The following ASB18 variants were observed in gnomAD, a reference collection of about 807,000 sequenced individuals.
ASB18 encodes the protein ankyrin repeat and SOCS box protein 18.
ASB18 carries 33 observed loss-of-function variants against 33.4 expected under a neutral mutation model. That is an observed-to-expected ratio of 0.99 (90% CI 0.75 to 1.32). ASB18 has a LOEUF of 1.32. Among genes scored for constraint, ASB18 ranks in the 40% most tolerant of loss-of-function variants. The pLI, the probability that ASB18 is intolerant of heterozygous loss-of-function variation, is 0.00. For synonymous variants in ASB18, 295 were observed against 307.6 expected (o/e 0.96, Z 0.43); for missense variants, 694 against 655.5 (o/e 1.06, Z -0.64).
Position 236,238,105 on chromosome 2 carries a change from C to T in ASB18, c.329-149G>A, listed in dbSNP as rs951340556. 9.1e-6 allele frequency: 5 copies of T among 550,012 alleles called. No individual in the cohort carries two copies. Among genetic ancestry groups the T allele is most frequent in the Admixed American group, 8.7e-5 (2 of 23,020 alleles). 34.1% of individuals were successfully genotyped at this position (550,012 alleles called of 1,614,324 possible). On this transcript the variant is annotated intron_variant, in intron 2 of 5. Coordinates refer to ENST00000409749, the MANE Select transcript of ASB18 (RefSeq NM_212556.4). This position sits in a 1 kb window ranked among gnomAD's most constrained non-coding sequence, Gnocchi z 5.2. ...AGGGAGAAGAGGATAGAATCAGAGACGCACACAGAGACAGAGAGCAGAGAG... is the reference window on the plus strand; with the variant it reads ...AGGGAGAAGAGGATAGAATCAGAGATGCACACAGAGACAGAGAGCAGAGAG...
At position 236,208,564 on chromosome 2, in the gene ASB18, CCCCACCCTGGGAAGAGG is replaced by C. The variant is rs2106266293; in HGVS notation, c.1101+5781_1101+5797del. Among the ~76,000 whole-genome samples, 1 of 152,244 alleles carries C rather than the reference CCCCACCCTGGGAAGAGG, an allele frequency of 6.6e-6. No individual in the cohort carries two copies. The highest frequency in any genetic ancestry group is 1.9e-4 in the East Asian group (1 of 5,168). On this transcript the variant is annotated intron_variant, in intron 4 of 5. Transcript: ENST00000409749. The surrounding 1 kb of genome is among the most constrained non-coding windows in gnomAD (Gnocchi z 7.7). ...AGGGACTGCAGGTAACCCGGACATG[CCCCACCCTGGGAAGAGG>C]TGCCCTCCATTAGAGCAAAAGCACC...
At position 236,237,621 on chromosome 2, in the gene ASB18, C is replaced by G. The variant is rs1337302275; in HGVS notation, c.596+68G>C. 4 of 1,142,704 alleles carry G rather than the reference C, an allele frequency of 3.5e-6. No individual in the cohort carries two copies. The African/African-American group carries it at 1.0e-4, about 29-fold the overall frequency. 70.8% of individuals were successfully genotyped at this position (1,142,704 alleles called of 1,614,324 possible). On this transcript the variant is annotated intron_variant, in intron 3 of 5. Transcript: ENST00000409749. The surrounding 1 kb of genome is among the most constrained non-coding windows in gnomAD (Gnocchi z 6.2). ...GAGGCGGAGGCGGGGTCGGCGGTCTCGTGGGGGGAGGCGGGCGTCTGGTCT... is the reference window on the plus strand; with the variant it reads ...GAGGCGGAGGCGGGGTCGGCGGTCTGGTGGGGGGAGGCGGGCGTCTGGTCT...
rs1351323163 is a variant in ASB18 at position 236,252,013 on chromosome 2, GT to G, written c.206-10612del. Reference sequence around the variant, plus strand: ...TGGCCGGGCATGGTGGCTCATGCCTGTAATCCCAGCACTTTGGGAGGCTGAG... The same window carrying G: ...TGGCCGGGCATGGTGGCTCATGCCTGAATCCCAGCACTTTGGGAGGCTGAG... On this transcript the variant is annotated intron_variant, in intron 1 of 5. Transcript: ENST00000409749. The surrounding 1 kb of genome is among the most constrained non-coding windows in gnomAD (Gnocchi z 7.9). Among the ~76,000 whole-genome samples the G allele has an allele frequency of 6.6e-6, 1 of 152,184 alleles. No homozygotes were observed.
At position 236,214,415 on chromosome 2, in the gene ASB18, G is replaced by C; in HGVS notation, c.1048C>G (p.Gln350Glu). The part of the protein sequence containing the change: ...ALQASPQRTV[Q>E]ALLNHGSPTV... ...GGAGAGCCGTGGTTGAGCAGCGCCT[G>C]CACCGTGCGCTGCGGTGAGGCCTGG... is the stretch of plus-strand genomic sequence containing the variant. The change falls in exon 4 of 6, where the codon CAG (glutamine) becomes GAG (glutamate). Residue 350 changes from glutamine (Q) to glutamate (E), a missense_variant. Gln to Glu is a conservative substitution (Grantham distance 29). Coordinates refer to ENST00000409749, the MANE Select transcript of ASB18 (RefSeq NM_212556.4). This position sits in a 1 kb window ranked among gnomAD's most constrained non-coding sequence, Gnocchi z 6.5. 1 of 1,568,192 alleles carries C rather than the reference G, an allele frequency of 6.4e-7. No homozygotes were observed. Among genetic ancestry groups the C allele is most frequent in the Non-Finnish European group, 8.6e-7 (1 of 1,163,490 alleles).
chr2:236,246,316 C>A (rs2060644203), intron 1 of ASB18, among the ~76,000 whole-genome samples: 1 of 119,284 alleles, frequency 8.4e-6, no homozygotes, highest in South Asian at 2.8e-4. Flanking sequence ...CACTGCACTG[C>A]AGCTTGGGTG....
chr2:236,198,112 C>T (rs564903401), intron 4 of ASB18, among the ~76,000 whole-genome samples: 1 of 152,274 alleles, frequency 6.6e-6, no homozygotes, highest in Admixed American at 6.5e-5. Context: ...GGAGGCTGCT[C>T]ACTTCACAAC....
At position 236,216,591 on chromosome 2, in the gene ASB18, T is replaced by C. The variant is rs2060488801; in HGVS notation, c.597-1725A>G. On this transcript the variant is annotated intron_variant, in intron 3 of 5. Transcript: ENST00000409749. The surrounding 1 kb of genome is among the most constrained non-coding windows in gnomAD (Gnocchi z 6.1). ...TTCAACTGGTCACTGAGCCATCTCA[T>C]CACCTGAACTGCTTCCTCCCTCCAC... Among the ~76,000 whole-genome samples the C allele has an allele frequency of 6.6e-6, 1 of 152,208 alleles. No individual in the cohort carries two copies. Among genetic ancestry groups the C allele is most frequent in the African/African-American group, 2.4e-5 (1 of 41,456 alleles).
chr2:236,216,293 G>A lies in ASB18; in HGVS notation c.597-1427C>T, dbSNP rs1009049694. ...TGTTGACCTTGGTCCTCAAGCTTCC[G>A]CCCTCTTCCTTTTCAGCTGTCTACA... On this transcript the variant is annotated intron_variant, in intron 3 of 5. Coordinates refer to ENST00000409749, the MANE Select transcript of ASB18 (RefSeq NM_212556.4). This position sits in a 1 kb window ranked among gnomAD's most constrained non-coding sequence, Gnocchi z 6.1. Among the ~76,000 whole-genome samples, 2 of 152,090 alleles carry A rather than the reference G, an allele frequency of 1.3e-5. No homozygotes were observed. The highest frequency in any genetic ancestry group is 2.9e-5 in the Non-Finnish European group (2 of 68,010).
Position 236,222,650 on chromosome 2 carries a change from C to T in ASB18, c.597-7784G>A, listed in dbSNP as rs2060517920. Among the ~76,000 whole-genome samples, 1 of 152,114 alleles carries T rather than the reference C, an allele frequency of 6.6e-6. No homozygotes were observed. The highest frequency in any genetic ancestry group is 2.4e-5 in the African/African-American group (1 of 41,418). ...AGGTGGTTGGTTCATGGGGGTAGGT[C>T]TCTCACGAATGGTTTAGTACCATCC... On this transcript the variant is annotated intron_variant, in intron 3 of 5. Coordinates refer to ENST00000409749, the MANE Select transcript of ASB18 (RefSeq NM_212556.4). The surrounding 1 kb of genome is among the most constrained non-coding windows in gnomAD (Gnocchi z 5.5).
In ASB18 at chr2:236,231,701, G is replaced by A. The variant is rs1020582558; in HGVS notation, c.596+5988C>T. On this transcript the variant is annotated intron_variant, in intron 3 of 5. Coordinates refer to ENST00000409749, the MANE Select transcript of ASB18 (RefSeq NM_212556.4). This position sits in a 1 kb window ranked among gnomAD's most constrained non-coding sequence, Gnocchi z 5.5. ...AATCCTCCAACCTTGGCCTCCCAAA[G>A]TGCTGGGATTACTGGTGTGATCCAC... is the stretch of plus-strand genomic sequence containing the variant. Among the ~76,000 whole-genome samples the A allele has an allele frequency of 1.3e-5, 2 of 152,208 alleles. No individual in the cohort carries two copies. The highest frequency in any genetic ancestry group is 4.8e-5 in the African/African-American group (2 of 41,466).
chr2:236,241,506 T>G lies in ASB18; in HGVS notation c.206-104A>C. The G allele has an allele frequency of 7.2e-7, 1 of 1,379,408 alleles. No homozygotes were observed. The highest frequency in any genetic ancestry group is 1.0e-6 in the Non-Finnish European group (1 of 986,156). 85.4% of individuals were successfully genotyped at this position (1,379,408 alleles called of 1,614,324 possible). ...TTTGAAGTTTTCCTCTCACTGGCCC[T>G]GGCTGTCTCTCCATTGAGATGCCGT... On this transcript the variant is annotated intron_variant, in intron 1 of 5. Transcript: ENST00000409749. The surrounding 1 kb of genome is among the most constrained non-coding windows in gnomAD (Gnocchi z 4.2).
Position 236,257,799 on chromosome 2 carries a change from C to T in ASB18, c.205+6342G>A, listed in dbSNP as rs894325593. Reference sequence around the variant, plus strand: ...CAGCTGTGGGATGAACTACAGGTGCCGTGGAGCACGGGAAAGGGCACTGGG... The same window carrying T: ...CAGCTGTGGGATGAACTACAGGTGCTGTGGAGCACGGGAAAGGGCACTGGG... On this transcript the variant is annotated intron_variant, in intron 1 of 5. Transcript: ENST00000409749. The surrounding 1 kb of genome is among the most constrained non-coding windows in gnomAD (Gnocchi z 5.5). 3.3e-5 allele frequency among the ~76,000 whole-genome samples: 5 copies of T among 152,178 alleles called. No homozygotes were observed. Among genetic ancestry groups the T allele is most frequent in the Admixed American group, 2.6e-4 (4 of 15,288 alleles).
Position 236,214,590 on chromosome 2 carries a change from C to T in ASB18, c.873G>A (p.Glu291=), listed in dbSNP as rs1286919220. The T allele has an allele frequency of 7.8e-7, 1 of 1,275,094 alleles. No individual in the cohort carries two copies. The highest frequency in any genetic ancestry group is 1.6e-5 in the African/African-American group (1 of 63,452). 79.0% of individuals were successfully genotyped at this position (1,275,094 alleles called of 1,614,324 possible). Residue 291 remains glutamate (E), a synonymous_variant, in exon 4 of 6, where the codon GAG becomes GAA. Transcript: ENST00000409749. This position sits in a 1 kb window ranked among gnomAD's most constrained non-coding sequence, Gnocchi z 6.5. The stretch of plus-strand genomic sequence containing the variant: ...CTTTGTGCAGCGGGCTGCGCTCGTC[C>T]TCGTCGCGCGCGTCCGCCTCCGCCC... ...RRGAEADARD[E]DERSPLHKAC...
Position 236,263,605 on chromosome 2 carries a change from T to C in ASB18, c.205+536A>G, listed in dbSNP as rs2060730233. The stretch of plus-strand genomic sequence containing the variant: ...TTATATGGCTCCTAGGAATTTATGG[T>C]AAGGATATAATCCCAAAAAAGAAAA... On this transcript the variant is annotated intron_variant, in intron 1 of 5. Transcript: ENST00000409749. The surrounding 1 kb of genome is among the most constrained non-coding windows in gnomAD (Gnocchi z 4.0). 6.6e-6 allele frequency among the ~76,000 whole-genome samples: 1 copy of C among 152,174 alleles called. No homozygotes were observed. The highest frequency in any genetic ancestry group is 2.4e-5 in the African/African-American group (1 of 41,442).
chr2:236,195,035 G>A lies in ASB18; in HGVS notation c.1238C>T (p.Ser413Phe). The A allele has an allele frequency of 1.9e-6, 3 of 1,612,788 alleles. No homozygotes were observed. Among genetic ancestry groups the A allele is most frequent in the Non-Finnish European group, 2.5e-6 (3 of 1,179,362 alleles). Residue 413 changes from serine (S) to phenylalanine (F), a missense_variant, in exon 6 of 6, where the codon TCC becomes TTC. Physicochemically the swap from Ser to Phe is radical, Grantham distance 155 (BLOSUM62 -2). Transcript: ENST00000409749. The surrounding 1 kb of genome is among the most constrained non-coding windows in gnomAD (Gnocchi z 5.5). ...VFQMHKPFYQSLFALALTPRC... is the reference protein window; with the variant it reads ...VFQMHKPFYQFLFALALTPRC... ...TGGGGTGAGGGCCAAGGCAAAGAGG[G>A]ACTGGTAGAACGGCTTGTGCATCTG...
rs2060359151 is a variant in ASB18 at position 236,193,933 on chromosome 2, G to A, written c.*939C>T. 6.6e-6 allele frequency among the ~76,000 whole-genome samples: 1 copy of A among 152,174 alleles called. No individual in the cohort carries two copies. The highest frequency in any genetic ancestry group is 1.5e-5 in the Non-Finnish European group (1 of 68,032). On this transcript the variant is annotated 3_prime_UTR_variant, in exon 6 of 6. Transcript: ENST00000409749. This position sits in a 1 kb window ranked among gnomAD's most constrained non-coding sequence, Gnocchi z 5.0. ...AATTGTCCCAGTGTTGTGTGTGGGT[G>A]GGTGGGTGTGGGGGTGTGTGAGCAC...
intron 1 of ASB18, chr2:236,247,656 A>G (rs1372467619): frequency 6.6e-6 from 1 of 152,214 alleles, no homozygotes; most frequent in Non-Finnish European, 1.5e-5. Flanking sequence ...AGCTTAGTCA[A>G]AGCCAATACA....
At position 236,259,668 on chromosome 2, in the gene ASB18, G is replaced by T. The variant is rs1006943337; in HGVS notation, c.205+4473C>A. 1.3e-5 allele frequency: 6 copies of T among 453,580 alleles called. No homozygotes were observed. The East Asian group carries it at 4.3e-4, about 32-fold the overall frequency. The allele number at this position is 453,580 out of a possible 1,614,324, so 28.1% of individuals were successfully genotyped here. On this transcript the variant is annotated intron_variant, in intron 1 of 5. Transcript: ENST00000409749. The surrounding 1 kb of genome is among the most constrained non-coding windows in gnomAD (Gnocchi z 4.4). ...GATGGGGATGCTGACTGTAGAGCGT[G>T]GGGGGCTCAGCCTCAGTGAGCCCAG...
At chr2:236,243,779 C>A (rs896874104) in intron 1 of ASB18, among the ~76,000 whole-genome samples, 10 of 151,936 alleles carry the variant, frequency 6.6e-5, no homozygotes, top group Admixed American at 6.6e-4. Flanking sequence ...ATTTTATTGT[C>A]AAAAAATTAA....
Sources: allele counts gnomAD v4.1 joint callset (sites outside exome capture counted in the v4.1 genomes callset), GRCh38; gene constraint gnomAD v4.1.1; non-coding constraint Gnocchi (gnomAD v3.1); transcripts MANE v1.5; gene names NCBI Gene and HGNC (gene_info 2026-07-23, HGNC 2026-07-21).